MAF: variants seen among roughly 807,000 people sequenced by gnomAD.
The protein encoded by MAF is transcription factor Maf.
Under a neutral mutation model 22.0 loss-of-function variants are expected in MAF, and 10 were observed. The ratio of observed to expected loss-of-function variants is 0.45; its 90% CI spans 0.28 to 0.77. The LOEUF (loss-of-function observed/expected upper bound fraction) is 0.77, where lower values mean the gene tolerates loss of function less well. Ranked by LOEUF, MAF falls within the 30% of genes least tolerant of loss-of-function variation. The pLI, the probability that MAF is intolerant of heterozygous loss-of-function variation, is 0.12. For missense variants in MAF, 544 were observed against 548.4 expected, an observed-to-expected ratio of 0.99 and a Z score of 0.08; for synonymous variants, 337 against 255.8, an observed-to-expected ratio of 1.32 and a Z score of -3.03.
chr16:79,363,116 T>C, the MAF span, among the ~76,000 whole-genome samples: 4 of 152,036 alleles, frequency 2.6e-5, no homozygotes, highest in Admixed American at 2.0e-4. Flanking sequence ...AATCTGTTTA[T>C]CTGAATATCT....
At chr16:79,465,134 A>G in the MAF span, among the ~76,000 whole-genome samples, 3 of 152,174 alleles carry the variant, frequency 2.0e-5, no homozygotes, top group Non-Finnish European at 2.9e-5. Context: ...CTGGGTATCT[A>G]TGGGGAATTG....
the MAF span, among the ~76,000 whole-genome samples, chr16:79,388,726 A>G: frequency 1.3e-5 from 2 of 152,248 alleles, no homozygotes; most frequent in Non-Finnish European, 2.9e-5. Context: ...AATTTAGACT[A>G]TCTCCAAGAA....
chr16:79,309,183 T>C, the MAF span, among the ~76,000 whole-genome samples: 1 of 152,110 alleles, frequency 6.6e-6, no homozygotes, highest in Non-Finnish European at 1.5e-5. Context: ...CAGGAAAAAC[T>C]GAGGCTGAAG....
At chr16:79,475,269 A>G in the MAF span, among the ~76,000 whole-genome samples, 4 of 151,792 alleles carry the variant, frequency 2.6e-5, no homozygotes, top group Non-Finnish European at 5.9e-5. Flanking sequence ...AAAATAAAAT[A>G]AGAAAAAATA....
chr16:79,287,935 C>A, the MAF span, among the ~76,000 whole-genome samples: 1 of 152,174 alleles, frequency 6.6e-6, no homozygotes, highest in Non-Finnish European at 1.5e-5. Flanking sequence ...ATCGTAGCTC[C>A]GATTTATTGA....
the MAF span, chr16:79,212,661 A>AATATC: frequency 6.7e-6 from 1 of 148,518 alleles, no homozygotes; most frequent in South Asian, 2.1e-4. Context: ...AACATGCTTG[A>AATATC]ATATCATCAC....
the MAF span, among the ~76,000 whole-genome samples, chr16:79,415,733 T>C: frequency 6.6e-6 from 1 of 151,838 alleles, no homozygotes; most frequent in African/African-American, 2.4e-5. Flanking sequence ...TGGAGTCAGT[T>C]AGACCTGGGT....
the MAF span, among the ~76,000 whole-genome samples, chr16:79,216,583 T>C: frequency 1.3e-5 from 2 of 152,158 alleles, no homozygotes; most frequent in African/African-American, 2.4e-5. Flanking sequence ...GTTAAATGCC[T>C]TTGTCCAACT....
the MAF span, among the ~76,000 whole-genome samples, chr16:79,487,206 C>CAAAAAAAAAAAAAAAA: frequency 1.5e-5 from 2 of 131,750 alleles, no homozygotes; most frequent in African/African-American, 2.8e-5. Context: ...TGAACTAGTG[C>CAAAAAAAAAAAAAAAA]AAAAAAAAAA....
chr16:79,392,835 G>A, the MAF span, among the ~76,000 whole-genome samples: 1 of 152,134 alleles, frequency 6.6e-6, no homozygotes, highest in Non-Finnish European at 1.5e-5. Context: ...CCTCTCAGGT[G>A]CCAAACTCAA....
chr16:79,303,048 G>C, the MAF span, among the ~76,000 whole-genome samples: 1 of 152,160 alleles, frequency 6.6e-6, no homozygotes, highest in Non-Finnish European at 1.5e-5. Context: ...ATCTGAAACT[G>C]CAAATGGCAC....
the MAF span, among the ~76,000 whole-genome samples, chr16:79,562,104 A>G: frequency 6.6e-6 from 1 of 152,108 alleles, no homozygotes; most frequent in South Asian, 2.1e-4. Flanking sequence ...CCCCCTTTCC[A>G]TCCCTATTCC....
chr16:79,257,915 A>G, the MAF span, among the ~76,000 whole-genome samples: 1 of 152,212 alleles, frequency 6.6e-6, no homozygotes, highest in African/African-American at 2.4e-5. Context: ...CCCAGATGTT[A>G]TCAGTAGGTG....
At chr16:79,315,748 A>T in the MAF span, among the ~76,000 whole-genome samples, 1 of 152,236 alleles carries the variant, frequency 6.6e-6, no homozygotes, top group African/African-American at 2.4e-5. Flanking sequence ...GTAAAAAGTT[A>T]TTGAGAGCAG....
the MAF span, among the ~76,000 whole-genome samples, chr16:79,513,732 A>T: frequency 6.6e-6 from 1 of 152,180 alleles, no homozygotes; most frequent in Non-Finnish European, 1.5e-5. Flanking sequence ...GAAATAAATG[A>T]AACATATGTT....
chr16:79,401,599 G>A, the MAF span, among the ~76,000 whole-genome samples: 1 of 152,234 alleles, frequency 6.6e-6, no homozygotes, highest in Admixed American at 6.5e-5. Context: ...ATGTACTCAT[G>A]AACTTTAGAG....
the MAF span, among the ~76,000 whole-genome samples, chr16:79,370,482 T>C: frequency 3.3e-5 from 5 of 152,326 alleles, no homozygotes; most frequent in African/African-American, 7.2e-5. Flanking sequence ...AAAACCATTC[T>C]TGTGACTCTT....
At chr16:79,288,968 G>C in the MAF span, among the ~76,000 whole-genome samples, 24 of 152,312 alleles carry the variant, frequency 1.6e-4, no homozygotes, top group East Asian at 4.6e-3. Context: ...AACCTCAGGT[G>C]ATCCACCCGC....
chr16:79,435,279 G>C, the MAF span, among the ~76,000 whole-genome samples: 1 of 151,890 alleles, frequency 6.6e-6, no homozygotes, highest in African/African-American at 2.4e-5. Context: ...TTCACAACCA[G>C]GTGTTGGCAC....
Sources: gnomAD v4.1 joint callset for allele counts (sites outside exome capture counted in the v4.1 genomes callset) on GRCh38, gnomAD v4.1.1 for gene constraint, MANE v1.5 for transcripts, NCBI Gene and HGNC (gene_info 2026-07-23, HGNC 2026-07-21) for gene names.